Variants in CISD3 observed in about 807,000 individuals in gnomAD.
CISD3 encodes CDGSH iron-sulfur domain-containing protein 3, mitochondrial.
In CISD3, 11 loss-of-function variants were observed where a neutral mutation model predicts 14.1. The ratio of observed to expected loss-of-function variants is 0.78; its 90% CI spans 0.49 to 1.29. The LOEUF (loss-of-function observed/expected upper bound fraction) is 1.29, where lower values mean the gene tolerates loss of function less well. Ranked by LOEUF, CISD3 falls within the 50% of genes most tolerant of loss-of-function variation. The pLI, the probability that CISD3 is intolerant of heterozygous loss-of-function variation, is 0.00. For synonymous variants in CISD3, 53 were observed against 69.2 expected (o/e 0.77, Z 1.16); for missense variants, 156 against 171.6 (o/e 0.91, Z 0.51).
At position 38,730,348 on chromosome 17, in the gene CISD3, G is replaced by A. The variant is rs1041169007; in HGVS notation, c.-11G>A. ...CGGAGCCAGCGGGCGGGCGCGGCGC[G>A]GGAGGCGACCATGCGCGGCGCGGGG... On this transcript the variant is annotated 5_prime_UTR_variant, in exon 1 of 4. Coordinates refer to ENST00000613478, the MANE Select transcript of CISD3 (RefSeq NM_001136498.2). 5 of 1,131,990 alleles carry A rather than the reference G, an allele frequency of 4.4e-6. No individual in the cohort carries two copies. The East Asian group carries it at 1.4e-4, about 31-fold the overall frequency. 70.1% of individuals were successfully genotyped at this position (1,131,990 alleles called of 1,614,324 possible). A position where few individuals can be genotyped will look rare whatever the true frequency, so the allele number is the denominator to read the frequency against.
At position 38,734,962 on chromosome 17, in the gene CISD3, A is replaced by G. The variant is rs1413048803; in HGVS notation, c.*1507A>G. On this transcript the variant is annotated 3_prime_UTR_variant, in exon 4 of 4. Coordinates refer to ENST00000613478, the MANE Select transcript of CISD3 (RefSeq NM_001136498.2). ...TTACACAAGACCCCCCCCAAAAAAA[A>G]TGAACACCATTTTCCACACATACAC... The G allele has an allele frequency of 7.0e-6, 2 of 285,010 alleles. No homozygotes were observed. The highest frequency in any genetic ancestry group is 5.9e-5 in the East Asian group (1 of 16,958). The allele number at this position is 285,010 out of a possible 1,614,324, so 17.7% of individuals were successfully genotyped here. A position where few individuals can be genotyped will look rare whatever the true frequency, so the allele number is the denominator to read the frequency against.
Position 38,731,442 on chromosome 17 carries a change from G to A in CISD3, c.204+3G>A, listed in dbSNP as rs1199804278. 1 of 1,551,610 alleles carries A rather than the reference G, an allele frequency of 6.4e-7. No homozygotes were observed. The highest frequency in any genetic ancestry group is 8.7e-7 in the Non-Finnish European group (1 of 1,146,942). ...TGTGTGGCCGCAGCAAGAAGCAGGT[G>A]AGACCCCTGTCTGCCTTCCTACTGA... On this transcript the variant is annotated splice_donor_region_variant and intron_variant, in intron 3 of 3. Transcript: ENST00000613478.
chr17:38,732,965 ACACT>A (rs148601043), intron 3 of CISD3, among the ~76,000 whole-genome samples: 37,735 of 111,492 alleles, frequency 0.34, 5,419 homozygotes, highest in Non-Finnish European at 0.43. Context: ...ACACACACAC[ACACT>A]CACACTCTAT....
intron 3 of CISD3, chr17:38,731,796 C>A: frequency 3.8e-6 from 1 of 264,942 alleles, no homozygotes; most frequent in South Asian, 5.6e-5. Context: ...GGCCTTGAAC[C>A]CCAAAAGCCT....
rs1349229217 is a variant in CISD3, at chr17:38,734,446, G to A, written c.*991G>A. The A allele has an allele frequency of 6.6e-6, 1 of 151,526 alleles. No homozygotes were observed. The highest frequency in any genetic ancestry group is 1.5e-5 in the Non-Finnish European group (1 of 67,970). 9.4% of individuals were successfully genotyped at this position (151,526 alleles called of 1,614,324 possible). ...AGCGCTTCACAATGCTAAAGCCTTA[G>A]CCCTCCTCCAAGAGCTGAGACCTCT... is the stretch of plus-strand genomic sequence containing the variant. On this transcript the variant is annotated 3_prime_UTR_variant, in exon 4 of 4. Transcript: ENST00000613478.
At chr17:38,731,481 G>GA in intron 3 of CISD3, 42 bp downstream of exon 3, 1 of 1,550,842 alleles carries the variant, frequency 6.4e-7, no homozygotes, top group Non-Finnish European at 8.7e-7. Flanking sequence ...CTCTGGCTAG[G>GA]AACAGCCTGG....
Position 38,733,505 on chromosome 17 carries a change from CAG to C in CISD3, c.*51_*52del, listed in dbSNP as rs1219746109. The C allele has an allele frequency of 6.9e-7, 1 of 1,455,886 alleles. No homozygotes were observed. Among genetic ancestry groups the C allele is most frequent in the Admixed American group, 2.5e-5 (1 of 39,536 alleles). The allele number at this position is 1,455,886 out of a possible 1,614,324, so 90.2% of individuals were successfully genotyped here. Reference sequence around the variant, plus strand: ...GGTGGCCTTGGCTCCAGGCCTCTGACAGGCACCCCCTTCTGTGGGAAAGGAAA... The same window carrying C: ...GGTGGCCTTGGCTCCAGGCCTCTGACGCACCCCCTTCTGTGGGAAAGGAAA... On this transcript the variant is annotated 3_prime_UTR_variant, in exon 4 of 4. Transcript: ENST00000613478.
Position 38,731,316 on chromosome 17 carries a change from A to G in CISD3, c.85-4A>G. On this transcript the variant is annotated splice_region_variant and splice_polypyrimidine_tract_variant and intron_variant, in intron 2 of 3. Transcript: ENST00000613478. ...CCTGAGCCCCTCATCTTCCCTGGCC[A>G]CAGGCCCAGTGGTTCCCTAGAACCC... 1.9e-6 allele frequency: 3 copies of G among 1,551,036 alleles called. No individual in the cohort carries two copies. In the South Asian group the frequency reaches 3.6e-5, roughly 18 times the overall value.
At position 38,735,605 on chromosome 17, in the gene CISD3, G is replaced by A. The variant is rs888946143; in HGVS notation, c.*2150G>A. On this transcript the variant is annotated 3_prime_UTR_variant, in exon 4 of 4. Coordinates refer to ENST00000613478, the MANE Select transcript of CISD3 (RefSeq NM_001136498.2). ...CTTGAGGGGGAGAGGCCCGTTCTGC[G>A]GGGAGAGTGGGGAGGAGAGACACAG... The A allele has an allele frequency of 1.0e-5, 16 of 1,548,726 alleles. No individual in the cohort carries two copies. In the East Asian group the frequency reaches 1.2e-4, roughly 11 times the overall value.
Position 38,731,279 on chromosome 17 carries a change from G to T in CISD3, c.85-41G>T, listed in dbSNP as rs543405556. 3.2e-5 allele frequency: 50 copies of T among 1,546,982 alleles called. No homozygotes were observed. The Admixed American group carries it at 7.7e-4, about 24-fold the overall frequency. On this transcript the variant is annotated intron_variant, in intron 2 of 3. Coordinates refer to ENST00000613478, the MANE Select transcript of CISD3 (RefSeq NM_001136498.2). The stretch of plus-strand genomic sequence containing the variant: ...TCGCAGGCCGGACGGTGCTTCCAGG[G>T]CTTGAGCTAACCCTGAGCCCCTCAT...
Position 38,734,949 on chromosome 17 carries a change from C to A in CISD3, c.*1494C>A. On this transcript the variant is annotated 3_prime_UTR_variant, in exon 4 of 4. Coordinates refer to ENST00000613478, the MANE Select transcript of CISD3 (RefSeq NM_001136498.2). Reference sequence around the variant, plus strand: ...CAAAAACAGCAAATTACACAAGACCCCCCCCAAAAAAAATGAACACCATTT... The same window carrying A: ...CAAAAACAGCAAATTACACAAGACCACCCCCAAAAAAAATGAACACCATTT... The A allele has an allele frequency of 3.4e-6, 1 of 291,086 alleles. No individual in the cohort carries two copies. The allele number at this position is 291,086 out of a possible 1,614,324, so 18.0% of individuals were successfully genotyped here. A position where few individuals can be genotyped will look rare whatever the true frequency, so the allele number is the denominator to read the frequency against.
In CISD3 at chr17:38,734,953, C is replaced by CA. The variant is rs1160495469; in HGVS notation, c.*1498_*1499insA. The CA allele has an allele frequency of 1.3e-5, 4 of 300,544 alleles. No individual in the cohort carries two copies. Among genetic ancestry groups the CA allele is most frequent in the Non-Finnish European group, 2.4e-5 (4 of 166,160 alleles). 18.6% of individuals were successfully genotyped at this position (300,544 alleles called of 1,614,324 possible). On this transcript the variant is annotated 3_prime_UTR_variant, in exon 4 of 4. Transcript: ENST00000613478. The stretch of plus-strand genomic sequence containing the variant: ...AACAGCAAATTACACAAGACCCCCC[C>CA]CAAAAAAAATGAACACCATTTTCCA...
chr17:38,732,742 G>C (rs879307739), intron 3 of CISD3, among the ~76,000 whole-genome samples: 9 of 152,202 alleles, frequency 5.9e-5, no homozygotes, highest in South Asian at 4.2e-4. Flanking sequence ...CTGGGATGGG[G>C]AGTACACTTC....
At position 38,733,409 on chromosome 17, in the gene CISD3, A is replaced by G. The variant is rs1906436240; in HGVS notation, c.338A>G (p.His113Arg). ...TQRPPYCDGT[H>R]RSERVQKAEV... ...AGGCCCCCGTACTGCGATGGCACCC[A>G]CAGGAGTGAGCGCGTGCAGAAGGCA... Residue 113 changes from histidine (H) to arginine (R), a missense_variant, in exon 4 of 4, where the codon CAC (histidine) becomes CGC (arginine). Transcript: ENST00000613478. 2 of 1,551,206 alleles carry G rather than the reference A, an allele frequency of 1.3e-6. No individual in the cohort carries two copies. Among genetic ancestry groups the G allele is most frequent in the Admixed American group, 3.9e-5 (2 of 50,992 alleles).
chr17:38,735,226 A>T lies in CISD3; in HGVS notation c.*1771A>T. 22 of 1,415,988 alleles carry T rather than the reference A, an allele frequency of 1.6e-5. No individual in the cohort carries two copies. The highest frequency in any genetic ancestry group is 2.0e-5 in the Non-Finnish European group (22 of 1,074,860). 87.7% of individuals were successfully genotyped at this position (1,415,988 alleles called of 1,614,324 possible). A position where few individuals can be genotyped will look rare whatever the true frequency, so the allele number is the denominator to read the frequency against. On this transcript the variant is annotated 3_prime_UTR_variant, in exon 4 of 4. Transcript: ENST00000613478. Reference sequence around the variant, plus strand: ...AGAAGGGAGAGGGTCCCTGGCCTCAAGTTAAGGGGGGCACGGGAGCGCCGT... The same window carrying T: ...AGAAGGGAGAGGGTCCCTGGCCTCATGTTAAGGGGGGCACGGGAGCGCCGT...
chr17:38,730,590 C>G (rs1906287232), intron 1 of CISD3, 170 bp from the exon 2 acceptor site: 2 of 838,300 alleles, frequency 2.4e-6, no homozygotes, highest in African/African-American at 1.7e-5. Flanking sequence ...CCGCAGCCAG[C>G]ACCTTCTCTT....
chr17:38,735,320 G>A lies in CISD3; in HGVS notation c.*1865G>A, dbSNP rs143182107. The A allele has an allele frequency of 5.1e-4, 790 of 1,538,528 alleles. 5 individuals carry two copies. In the African/African-American group the frequency reaches 9.7e-3, roughly 19 times the overall value. On this transcript the variant is annotated 3_prime_UTR_variant, in exon 4 of 4. Coordinates refer to ENST00000613478, the MANE Select transcript of CISD3 (RefSeq NM_001136498.2). ...CAGGCAGTTCAAGCTACCCCCGTTG[G>A]CAGCTGTGGTGGCCCCACTGGCTGT...
rs1456936810 is a variant in CISD3 at position 38,731,557 on chromosome 17, G to A, written c.204+118G>A. The stretch of plus-strand genomic sequence containing the variant: ...CCACACATACCTGAGGGACACCAAG[G>A]GGGCTTGGGAACAAAAGGCCAGTGC... On this transcript the variant is annotated intron_variant, in intron 3 of 3. Transcript: ENST00000613478. 2.2e-6 allele frequency: 3 copies of A among 1,384,706 alleles called. No homozygotes were observed. The South Asian group carries it at 4.1e-5, about 19-fold the overall frequency. The allele number at this position is 1,384,706 out of a possible 1,614,324, so 85.8% of individuals were successfully genotyped here.
rs569180772 is a variant in CISD3, at chr17:38,733,623, A to G, written c.*168A>G. 23 of 718,650 alleles carry G rather than the reference A, an allele frequency of 3.2e-5. No individual in the cohort carries two copies. In the South Asian group the frequency reaches 5.1e-4, roughly 16 times the overall value. The allele number at this position is 718,650 out of a possible 1,614,324, so 44.5% of individuals were successfully genotyped here. ...AACCTAAAAGTCTCCAGTCTGGGGCAGGCGGGAGTGGGCCCTGGTTCAATG... is the reference window on the plus strand; with the variant it reads ...AACCTAAAAGTCTCCAGTCTGGGGCGGGCGGGAGTGGGCCCTGGTTCAATG... On this transcript the variant is annotated 3_prime_UTR_variant, in exon 4 of 4. Coordinates refer to ENST00000613478, the MANE Select transcript of CISD3 (RefSeq NM_001136498.2).
Sources: gnomAD v4.1 joint callset for allele counts (sites outside exome capture counted in the v4.1 genomes callset) on GRCh38, gnomAD v4.1.1 for gene constraint, MANE v1.5 for transcripts, NCBI Gene and HGNC (gene_info 2026-07-23, HGNC 2026-07-21) for gene names.